SCN7A: variants seen among roughly 807,000 people sequenced by gnomAD.
The protein encoded by SCN7A is sodium channel protein type 7 subunit alpha.
SCN7A carries 138 observed loss-of-function variants against 155.2 expected under a neutral mutation model. The observed-to-expected ratio is 0.89, with a 90% CI of 0.77 to 1.02. SCN7A has a LOEUF of 1.02. Among genes scored for constraint, SCN7A ranks in the 50% least tolerant of loss-of-function variants. The probability of loss-of-function intolerance (pLI) is 0.00; values close to 1 mark genes in which losing one functional copy is unlikely to be tolerated. For synonymous variants in SCN7A, 693 were observed against 649.0 expected (o/e 1.07, Z -1.03); for missense variants, 2,058 against 1,986.6 (o/e 1.04, Z -0.68).
chr2:166,427,371 T>G (rs1701646388), intron 18 of SCN7A, among the ~76,000 whole-genome samples: 1 of 152,074 alleles, frequency 6.6e-6, no homozygotes, highest in Non-Finnish European at 1.5e-5. Context: ...CACAGACCCT[T>G]TAAAGCATAT....
intron 9 of SCN7A, among the ~76,000 whole-genome samples, chr2:166,464,283 A>G (rs1273695199): frequency 6.6e-6 from 1 of 151,950 alleles, no homozygotes; most frequent in East Asian, 1.9e-4. Flanking sequence ...ACTAAACCAT[A>G]TAACTCATGC....
At chr2:166,489,196 C>T (rs747126313) in intron 1 of SCN7A, among the ~76,000 whole-genome samples, 7 of 152,096 alleles carry the variant, frequency 4.6e-5, no homozygotes, top group Non-Finnish European at 1.0e-4. Context: ...AAAGTTTCAC[C>T]AAATCAGTTA....
At chr2:166,470,072 T>C (rs1368103355) in intron 7 of SCN7A, among the ~76,000 whole-genome samples, 1 of 151,880 alleles carries the variant, frequency 6.6e-6, no homozygotes, top group Non-Finnish European at 1.5e-5. Context: ...TCTGTTAGAA[T>C]GTCTTTAGAA....
chr2:166,481,099 A>G (rs1365255876), intron 2 of SCN7A, among the ~76,000 whole-genome samples: 2 of 152,216 alleles, frequency 1.3e-5, no homozygotes, highest in African/African-American at 4.8e-5. Context: ...CTTATTCAAC[A>G]TATCAACAAT....
Position 166,409,744 on chromosome 2 carries a change from C to T in SCN7A, c.3903G>A (p.Lys1301=), listed in dbSNP as rs1475544384. 3.2e-6 allele frequency: 5 copies of T among 1,554,722 alleles called. No homozygotes were observed. The South Asian group carries it at 6.0e-5, about 19-fold the overall frequency. The part of the protein sequence containing the change: ...VMLYTMECIL[K]LIAFRCFYFT... The stretch of plus-strand genomic sequence containing the variant: ...AATAAAAACAACGGAAAGCGATGAG[C>T]TTCAGTATACATTCCATAGTATATA... The change falls in exon 25 of 26, where the codon AAG becomes AAA. Residue 1301 remains lysine (K), a synonymous_variant. Coordinates refer to ENST00000643258, the MANE Select transcript of SCN7A (RefSeq NM_002976.4).
intron 15 of SCN7A, chr2:166,440,665 T>G: frequency 6.6e-6 from 1 of 152,216 alleles, no homozygotes; most frequent in Non-Finnish European, 1.5e-5. Flanking sequence ...TACAAACATT[T>G]ATATTTAACT....
chr2:166,443,374 T>A (rs1701998867), intron 14 of SCN7A, 129 bp downstream of exon 14: 3 of 725,700 alleles, frequency 4.1e-6, no homozygotes, highest in African/African-American at 1.8e-5. Flanking sequence ...AAACTCTTTA[T>A]ATACTAATCA....
chr2:166,490,412 ATGT>A (rs1228586545), intron 1 of SCN7A, among the ~76,000 whole-genome samples: 20 of 152,150 alleles, frequency 1.3e-4, no homozygotes, highest in African/African-American at 4.8e-4. Flanking sequence ...AGGTTCACTC[ATGT>A]TGTCACAAAT....
At chr2:166,423,087 A>G (rs1293801637) in intron 19 of SCN7A, among the ~76,000 whole-genome samples, 172 bp downstream of exon 19, 1 of 152,130 alleles carries the variant, frequency 6.6e-6, no homozygotes, top group Non-Finnish European at 1.5e-5. Context: ...AAATTTTGGA[A>G]TAAGAAGAAA....
chr2:166,413,731 C>G (rs1019543281), intron 21 of SCN7A, among the ~76,000 whole-genome samples: 6 of 151,516 alleles, frequency 4.0e-5, no homozygotes, highest in African/African-American at 1.5e-4. Context: ...ATCTAATCAG[C>G]TGCCAGCAAA....
At chr2:166,406,741 G>A in intron 25 of SCN7A, 95 bp from the exon 26 acceptor site, 1 of 842,766 alleles carries the variant, frequency 1.2e-6, no homozygotes, top group Non-Finnish European at 1.8e-6. Context: ...GTTTTTCCCT[G>A]TTTTATTAAT....
At chr2:166,429,358 T>C (rs1701686230) in intron 16 of SCN7A, 84 bp from the exon 17 acceptor site, 1 of 828,616 alleles carries the variant, frequency 1.2e-6, no homozygotes, top group African/African-American at 1.8e-5. Flanking sequence ...TTTTCAGAAG[T>C]AAGAAAAATT....
At position 166,406,644 on chromosome 2, in the gene SCN7A, G is replaced by A; in HGVS notation, c.3985C>T (p.Leu1329=). The A allele has an allele frequency of 6.3e-7, 1 of 1,585,062 alleles. No homozygotes were observed. The highest frequency in any genetic ancestry group is 8.6e-7 in the Non-Finnish European group (1 of 1,165,138). ...FMVVIFSITG[L]CLPMTVGSYL... is the part of the protein sequence containing the mutation. ...GATCCTACTGTCATAGGCAGACATAGTCCTGGGGGTGGGAAAGATAAAGCA... is the reference window on the plus strand; with the variant it reads ...GATCCTACTGTCATAGGCAGACATAATCCTGGGGGTGGGAAAGATAAAGCA... The change falls in exon 26 of 26, where the codon CTA becomes TTA. Residue 1329 remains leucine, a splice_region_variant and synonymous_variant. Coordinates refer to ENST00000643258, the MANE Select transcript of SCN7A (RefSeq NM_002976.4).
intron 15 of SCN7A, among the ~76,000 whole-genome samples, chr2:166,437,829 C>T (rs1701871893): frequency 6.6e-6 from 1 of 152,076 alleles, no homozygotes; most frequent in African/African-American, 2.4e-5. Flanking sequence ...TTGTCAGTGT[C>T]TCCCATTTGG....
rs752282093 is a variant in SCN7A at position 166,423,264 on chromosome 2, C to T, written c.3022G>A (p.Val1008Ile). 5.0e-6 allele frequency: 8 copies of T among 1,599,962 alleles called. No individual in the cohort carries two copies. The East Asian group carries it at 1.8e-4, about 36-fold the overall frequency. The change falls in exon 19 of 26, where the codon GTT becomes ATT. Residue 1008 changes from valine (V) to isoleucine (I), a missense_variant. By Grantham distance (29) the Val-to-Ile change is conservative. Coordinates refer to ENST00000643258, the MANE Select transcript of SCN7A (RefSeq NM_002976.4). Reference sequence around the variant, plus strand: ...ATTTTCTTTAAAATACGTACAATAACAACCACGAAGTCCAGCCTGTACCAG... The same window carrying T: ...ATTTTCTTTAAAATACGTACAATAATAACCACGAAGTCCAGCCTGTACCAG... ...NGWYRLDFVV[V>I]IVFCLSLIGK...
chr2:166,406,422 C>A lies in SCN7A; in HGVS notation c.4207G>T (p.Ala1403Ser). 2 of 1,612,826 alleles carry A rather than the reference C, an allele frequency of 1.2e-6. No homozygotes were observed. Among genetic ancestry groups the A allele is most frequent in the South Asian group, 1.1e-5 (1 of 91,038 alleles). Residue 1403 changes from alanine to serine, a missense_variant, in exon 26 of 26, where the codon GCC (alanine) becomes TCC (serine). Ala to Ser is a moderately conservative substitution (Grantham distance 99, BLOSUM62 1). Transcript: ENST00000643258. Reference protein sequence around the residue: ...IYAVFGMYNFAYVKKEAGIND... With the variant: ...IYAVFGMYNFSYVKKEAGIND... The stretch of plus-strand genomic sequence containing the variant: ...ATTCCAGCTTCTTTTTTAACATAGG[C>A]AAAATTATACATTCCAAATACGGCA...
chr2:166,457,863 T>C (rs2105467974), intron 10 of SCN7A, among the ~76,000 whole-genome samples: 1 of 152,278 alleles, frequency 6.6e-6, no homozygotes, highest in South Asian at 2.1e-4. Flanking sequence ...GAACAAAATT[T>C]AAGGAAACAA....
Position 166,433,153 on chromosome 2 carries a change from A to T in SCN7A, c.2158-401T>A, listed in dbSNP as rs759652606. On this transcript the variant is annotated intron_variant, in intron 15 of 25. Coordinates refer to ENST00000643258, the MANE Select transcript of SCN7A (RefSeq NM_002976.4). ...CTGCTCAAGGTCATCGCCAAGGTCG[A>T]CTTTTCACACAAAAATTGCAACTTC... 2.0e-5 allele frequency among the ~76,000 whole-genome samples: 3 copies of T among 152,126 alleles called. No individual in the cohort carries two copies. In the South Asian group the frequency reaches 6.2e-4, roughly 31 times the overall value.
intron 17 of SCN7A, among the ~76,000 whole-genome samples, chr2:166,428,455 T>A (rs1701667857): frequency 6.6e-6 from 1 of 152,052 alleles, no homozygotes; most frequent in African/African-American, 2.4e-5. Context: ...TGGGAATTTT[T>A]ATTGAGACTA....
Sources: gnomAD v4.1 joint callset for allele counts (sites outside exome capture counted in the v4.1 genomes callset) on GRCh38, gnomAD v4.1.1 for gene constraint, MANE v1.5 for transcripts, NCBI Gene and HGNC (gene_info 2026-07-23, HGNC 2026-07-21) for gene names.